Variants in GABRA1 observed in about 807,000 individuals in gnomAD.
The protein encoded by GABRA1 is gamma-aminobutyric acid type A receptor subunit alpha1, also known as gamma-aminobutyric acid receptor subunit alpha-1.
Under a neutral mutation model 48.9 loss-of-function variants are expected in GABRA1, and 9 were observed. The ratio of observed to expected loss-of-function variants is 0.18; its 90% CI spans 0.11 to 0.32. The LOEUF (loss-of-function observed/expected upper bound fraction) is 0.32. GABRA1 is among the 10% of genes least tolerant of loss of function. The probability of loss-of-function intolerance (pLI) is 1.00; values close to 1 mark genes in which losing one functional copy is unlikely to be tolerated. For missense variants in GABRA1, 285 were observed against 553.8 expected (o/e 0.51, Z 4.87); for synonymous variants, 210 against 198.7 (o/e 1.06, Z -0.48).
At chr5:161,871,222 T>C (rs1430128988) in intron 4 of GABRA1, among the ~76,000 whole-genome samples, 3 of 152,108 alleles carry the variant, frequency 2.0e-5, no homozygotes, top group Non-Finnish European at 4.4e-5. Flanking sequence ...TTTATTTTAT[T>C]TTCATAAAAC....
chr5:161,865,815 T>G (rs755070969), intron 4 of GABRA1, 27 bp downstream of exon 4: 3 of 1,590,482 alleles, frequency 1.9e-6, no homozygotes, highest in Admixed American at 1.7e-5. Context: ...TCTTTGCTTT[T>G]CTTGAAGAAT....
chr5:161,870,944 CTCTGTGTGTGTGTG>C (rs1431012879), intron 4 of GABRA1, among the ~76,000 whole-genome samples: 2 of 128,152 alleles, frequency 1.6e-5, no homozygotes, highest in African/African-American at 3.0e-5. Context: ...GCGAGTGTTG[CTCTGTGTGTGTGTG>C]TGTGTGTGTG....
At chr5:161,863,191 T>C (rs1052435755) in intron 3 of GABRA1, among the ~76,000 whole-genome samples, 6 of 151,882 alleles carry the variant, frequency 4.0e-5, no homozygotes, top group Non-Finnish European at 5.9e-5. Context: ...AGTGTGTATA[T>C]GTAAAAGTGA....
intron 3 of GABRA1, among the ~76,000 whole-genome samples, chr5:161,856,972 C>T (rs1055233242): frequency 2.0e-5 from 3 of 150,776 alleles, no homozygotes; most frequent in African/African-American, 7.3e-5. Flanking sequence ...ATTCATCTAC[C>T]ATGAATTTTT....
At position 161,848,445 on chromosome 5, in the gene GABRA1, A is replaced by ATAC. The variant is rs1489928214; in HGVS notation, c.-16+24_-16+26dup. 4.0e-5 allele frequency: 6 copies of ATAC among 148,790 alleles called. No individual in the cohort carries two copies. In the Admixed American group the frequency reaches 4.1e-4, roughly 10 times the overall value. 9.2% of individuals were successfully genotyped at this position (148,790 alleles called of 1,614,324 possible). A position where few individuals can be genotyped will look rare whatever the true frequency, so the allele number is the denominator to read the frequency against. Reference sequence around the variant, plus strand: ...TAGGTAAGTGCGACTTTGGACCACGATACACAGACAGAGCTTTGAACGTGG... The same window carrying ATAC: ...TAGGTAAGTGCGACTTTGGACCACGATACTACACAGACAGAGCTTTGAACGTGG... On this transcript the variant is annotated intron_variant, in intron 1 of 9. Coordinates refer to ENST00000393943, the MANE Select transcript of GABRA1 (RefSeq NM_001127644.2).
chr5:161,851,963 C>T (rs1344319061), intron 2 of GABRA1, among the ~76,000 whole-genome samples: 4 of 152,060 alleles, frequency 2.6e-5, no homozygotes. Context: ...GGTAATGTAA[C>T]TGGCATTTCT....
chr5:161,872,698 A>G (rs563515346), intron 4 of GABRA1, among the ~76,000 whole-genome samples: 1 of 152,226 alleles, frequency 6.6e-6, no homozygotes, highest in South Asian at 2.1e-4. Context: ...CCCCCAAAAC[A>G]CTAGGCTTTA....
At chr5:161,872,468 A>G (rs957474039) in intron 4 of GABRA1, among the ~76,000 whole-genome samples, 14 of 152,112 alleles carry the variant, frequency 9.2e-5, no homozygotes, top group African/African-American at 3.4e-4. Flanking sequence ...CTGCATTCTT[A>G]TTTTTGTTCT....
chr5:161,880,356 A>G (rs1754560445), intron 6 of GABRA1, among the ~76,000 whole-genome samples: 1 of 152,176 alleles, frequency 6.6e-6, no homozygotes, highest in South Asian at 2.1e-4. Flanking sequence ...AAATGTGGTT[A>G]TCTACAAATT....
chr5:161,850,935 T>G, intron 2 of GABRA1, 51 bp downstream of exon 2: 1 of 1,484,006 alleles, frequency 6.7e-7, no homozygotes, highest in Non-Finnish European at 9.4e-7. Flanking sequence ...AACTTTTCAT[T>G]TATTTTATCG....
intron 7 of GABRA1, among the ~76,000 whole-genome samples, chr5:161,884,944 C>G (rs1202698531): frequency 6.6e-6 from 1 of 152,110 alleles, no homozygotes; most frequent in Non-Finnish European, 1.5e-5. Context: ...TGTCTACATT[C>G]TGGATACTCA....
chr5:161,889,411 C>T (rs1194234569), intron 7 of GABRA1, among the ~76,000 whole-genome samples: 2 of 152,018 alleles, frequency 1.3e-5, no homozygotes, highest in African/African-American at 2.4e-5. Context: ...AGCTACACGG[C>T]AAGAAAATAG....
chr5:161,885,516 C>A (rs1754805547), intron 7 of GABRA1, among the ~76,000 whole-genome samples: 1 of 152,140 alleles, frequency 6.6e-6, no homozygotes, highest in Non-Finnish European at 1.5e-5. Flanking sequence ...GTGCTACTTA[C>A]CTGCCACCAA....
Position 161,875,665 on chromosome 5 carries a change from T to C in GABRA1, c.559+23T>C, listed in dbSNP as rs753826414. The C allele has an allele frequency of 2.6e-6, 4 of 1,529,424 alleles. No homozygotes were observed. The East Asian group carries it at 6.7e-5, about 26-fold the overall frequency. The allele number at this position is 1,529,424 out of a possible 1,614,324, so 94.7% of individuals were successfully genotyped here. On this transcript the variant is annotated intron_variant, in intron 6 of 9. Transcript: ENST00000393943. ...GTTGTGAGTAAATTTATATGGACTT[T>C]TCTTGATTGTAAGTCATTAAGCAAG...
At chr5:161,870,680 G>C (rs1754075843) in intron 4 of GABRA1, among the ~76,000 whole-genome samples, 1 of 151,940 alleles carries the variant, frequency 6.6e-6, no homozygotes, top group Non-Finnish European at 1.5e-5. Flanking sequence ...AAAAGAGGGG[G>C]TTCTGGCTAA....
chr5:161,858,348 C>G (rs1310347903), intron 3 of GABRA1, among the ~76,000 whole-genome samples: 1 of 151,698 alleles, frequency 6.6e-6, no homozygotes, highest in Admixed American at 6.6e-5. Flanking sequence ...TTGGCTTCCC[C>G]TGCACTTTGG....
chr5:161,876,328 G>A (rs1288987756), intron 6 of GABRA1, among the ~76,000 whole-genome samples: 3 of 151,980 alleles, frequency 2.0e-5, no homozygotes, highest in East Asian at 1.9e-4. Context: ...CAGGTTCTCC[G>A]GTCTTTTCTT....
In GABRA1 at chr5:161,853,840, T is replaced by G. The variant is rs577581625; in HGVS notation, c.75-318T>G. 295 of 188,302 alleles carry G rather than the reference T, an allele frequency of 1.6e-3. 2 individuals carry two copies. The highest frequency in any genetic ancestry group is 1.6e-4 in the Non-Finnish European group (15 of 92,286). 11.7% of individuals were successfully genotyped at this position (188,302 alleles called of 1,614,324 possible). A position where few individuals can be genotyped will look rare whatever the true frequency, so the allele number is the denominator to read the frequency against. ...TCCTAGGTTTGTTTTCTCTATTTTT[T>G]TTTATGTGCATTAGCATTCTTGCTT... On this transcript the variant is annotated intron_variant, in intron 2 of 9. Coordinates refer to ENST00000393943, the MANE Select transcript of GABRA1 (RefSeq NM_001127644.2).
At chr5:161,873,838 G>T (rs931376300) in intron 5 of GABRA1, among the ~76,000 whole-genome samples, 1 of 152,092 alleles carries the variant, frequency 6.6e-6, no homozygotes, top group Non-Finnish European at 1.5e-5. Flanking sequence ...TATTAATTTT[G>T]CTCAAACTAA....
Sources: allele counts gnomAD v4.1 joint callset (sites outside exome capture counted in the v4.1 genomes callset), GRCh38; gene constraint gnomAD v4.1.1; transcripts MANE v1.5; gene names NCBI Gene and HGNC (gene_info 2026-07-23, HGNC 2026-07-21).